NUP153: variants seen among roughly 807,000 people sequenced by gnomAD.
NUP153 encodes nuclear pore complex protein Nup153.
A neutral mutation model predicts 134.6 loss-of-function variants in NUP153; 27 were observed. The ratio of observed to expected loss-of-function variants is 0.20; its 90% CI spans 0.15 to 0.28. The LOEUF is 0.28. Ranked by LOEUF, NUP153 falls within the 10% of genes least tolerant of loss-of-function variation. The pLI is 1.00. For synonymous variants in NUP153, 640 were observed against 623.5 expected (o/e 1.03, Z -0.40); for missense variants, 1,821 against 1,731.3 (o/e 1.05, Z -0.92).
At chr6:17,645,332 T>C (rs930431048) in intron 14 of NUP153, among the ~76,000 whole-genome samples, 1 of 152,020 alleles carries the variant, frequency 6.6e-6, no homozygotes, top group African/African-American at 2.4e-5. Flanking sequence ...TCTTGCTCTG[T>C]CAGCCAGCTG....
In NUP153 at chr6:17,680,966, T is replaced by G. The variant is rs1011124695; in HGVS notation, c.335-5196A>C. On this transcript the variant is annotated intron_variant, in intron 2 of 21. Coordinates refer to ENST00000262077, the MANE Select transcript of NUP153 (RefSeq NM_005124.4). This position sits in a 1 kb window ranked among gnomAD's most constrained non-coding sequence, Gnocchi z 4.5. Reference sequence around the variant, plus strand: ...AAAGGAAACTAGTATATCAAAGAGATAATCTGCACTCGCAGCACTATTCAC... The same window carrying G: ...AAAGGAAACTAGTATATCAAAGAGAGAATCTGCACTCGCAGCACTATTCAC... 3.3e-5 allele frequency among the ~76,000 whole-genome samples: 5 copies of G among 152,146 alleles called. No homozygotes were observed. Among genetic ancestry groups the G allele is most frequent in the African/African-American group, 1.2e-4 (5 of 41,434 alleles).
At chr6:17,683,926 T>C (rs1224524919) in intron 2 of NUP153, among the ~76,000 whole-genome samples, 1 of 152,164 alleles carries the variant, frequency 6.6e-6, no homozygotes, top group Non-Finnish European at 1.5e-5. Context: ...AGTGGGGTCA[T>C]GGGAAGTCTT....
chr6:17,684,247 A>G (rs1370294660), intron 2 of NUP153, among the ~76,000 whole-genome samples: 1 of 152,198 alleles, frequency 6.6e-6, no homozygotes, highest in Non-Finnish European at 1.5e-5. Flanking sequence ...GGACTAATAA[A>G]CCACCTTCGT....
chr6:17,647,327 A>G (rs1451358187), intron 13 of NUP153, among the ~76,000 whole-genome samples: 1 of 152,220 alleles, frequency 6.6e-6, no homozygotes, highest in South Asian at 2.1e-4. Context: ...ATTAAAGGTA[A>G]ATCAAGACAC....
At chr6:17,668,592 C>T (rs755657637) in intron 8 of NUP153, among the ~76,000 whole-genome samples, 3 of 151,968 alleles carry the variant, frequency 2.0e-5, no homozygotes, top group African/African-American at 7.2e-5. Flanking sequence ...ACCTTAGTCC[C>T]GGCACTTTGG....
intron 16 of NUP153, among the ~76,000 whole-genome samples, chr6:17,633,119 A>T (rs1355059630): frequency 6.6e-6 from 1 of 151,100 alleles, no homozygotes; most frequent in Non-Finnish European, 1.5e-5. Context: ...GCTCCCCCTT[A>T]ACCACATGTT....
chr6:17,641,977 T>G (rs964368159), intron 14 of NUP153, among the ~76,000 whole-genome samples: 1 of 152,212 alleles, frequency 6.6e-6, no homozygotes, highest in Admixed American at 6.5e-5. Flanking sequence ...TAATGAAATA[T>G]ACTAATAACC....
At chr6:17,694,233 T>A (rs527450467) in intron 1 of NUP153, among the ~76,000 whole-genome samples, 16 of 152,326 alleles carry the variant, frequency 1.1e-4, no homozygotes, top group African/African-American at 3.4e-4. Context: ...CAAGTATTGA[T>A]TGAATGAAGA....
At position 17,624,649 on chromosome 6, in the gene NUP153, A is replaced by C. The variant is rs1404254831; in HGVS notation, c.4086T>G (p.Phe1362Leu). The part of the protein sequence containing the change: ...PTGSQPAPPT[F>L]GTVSSSSQPP... The stretch of plus-strand genomic sequence containing the variant: ...GCTGGCTACTGCTTGACACTGTCCC[A>C]AAAGTAGGTGGTGCAGGCTGAGAAC... Residue 1362 changes from phenylalanine to leucine, a missense_variant, in exon 20 of 22, where the codon TTT becomes TTG. Coordinates refer to ENST00000262077, the MANE Select transcript of NUP153 (RefSeq NM_005124.4). The C allele has an allele frequency of 1.2e-6, 2 of 1,614,188 alleles. No homozygotes were observed. Among genetic ancestry groups the C allele is most frequent in the South Asian group, 2.2e-5 (2 of 91,082 alleles).
chr6:17,676,832 T>C (rs965587282), intron 2 of NUP153, among the ~76,000 whole-genome samples: 2 of 152,166 alleles, frequency 1.3e-5, no homozygotes, highest in Admixed American at 6.5e-5. Context: ...TAGGGAACTG[T>C]GCAGAGAGGG....
At position 17,669,044 on chromosome 6, in the gene NUP153, AAC is replaced by A; in HGVS notation, c.1015-18_1015-17del. The A allele has an allele frequency of 3.4e-6, 5 of 1,491,684 alleles. No homozygotes were observed. The highest frequency in any genetic ancestry group is 3.6e-6 in the Non-Finnish European group (4 of 1,115,528). 92.4% of individuals were successfully genotyped at this position (1,491,684 alleles called of 1,614,324 possible). ...TATCAAGAGGCTGAAAAAAAAAAAA[AAC>A]ACTATTAGAATAGATGGGGAGTTAT... is the stretch of plus-strand genomic sequence containing the variant. On this transcript the variant is annotated splice_polypyrimidine_tract_variant and intron_variant, in intron 7 of 21. Transcript: ENST00000262077.
At chr6:17,655,520 C>T (rs1766763182) in intron 11 of NUP153, among the ~76,000 whole-genome samples, 1 of 151,210 alleles carries the variant, frequency 6.6e-6, no homozygotes, top group Admixed American at 6.6e-5. Flanking sequence ...GTGGTACGAT[C>T]TCAGCTCACT....
rs576811895 is a variant in NUP153, at chr6:17,671,113, T to C, written c.853-1567A>G. 2.0e-5 allele frequency among the ~76,000 whole-genome samples: 3 copies of C among 152,258 alleles called. No individual in the cohort carries two copies. The South Asian group carries it at 6.2e-4, about 32-fold the overall frequency. On this transcript the variant is annotated intron_variant, in intron 5 of 21. Coordinates refer to ENST00000262077, the MANE Select transcript of NUP153 (RefSeq NM_005124.4). ...GCCACCACACCTGGTCTAATCCCAT[T>C]AATTTTCATATGTTGAGTCAACCTT...
intron 11 of NUP153, among the ~76,000 whole-genome samples, chr6:17,660,404 A>T (rs552383840): frequency 3.3e-5 from 5 of 152,130 alleles, no homozygotes; most frequent in Non-Finnish European, 7.4e-5. Flanking sequence ...TACAACTAAA[A>T]TGAGACTTGC....
At chr6:17,647,933 T>A (rs1453910515) in intron 12 of NUP153, 28 bp from the exon 13 acceptor site, 1 of 1,398,094 alleles carries the variant, frequency 7.2e-7, no homozygotes, top group Admixed American at 1.8e-5. Context: ...TAAGAAATGA[T>A]ACAAAAAGAG....
rs1177861099 is a variant in NUP153, at chr6:17,675,119, C to T, written c.724-86G>A. ...TGAGTTAAGATCATGCTGCTACACA[C>T]TCAAGCCTGGGCAACAGCAAAAGAC... On this transcript the variant is annotated intron_variant, in intron 4 of 21. Transcript: ENST00000262077. This position sits in a 1 kb window ranked among gnomAD's most constrained non-coding sequence, Gnocchi z 4.4. 6.5e-7 allele frequency: 1 copy of T among 1,547,238 alleles called. No individual in the cohort carries two copies. The highest frequency in any genetic ancestry group is 1.4e-5 in the African/African-American group (1 of 72,162).
chr6:17,661,745 C>CT lies in NUP153; in HGVS notation c.1302dup (p.Ala435SerfsTer26). The CT allele has an allele frequency of 6.2e-7, 1 of 1,612,670 alleles. No homozygotes were observed. Among genetic ancestry groups the CT allele is most frequent in the Non-Finnish European group, 8.5e-7 (1 of 1,179,662 alleles). On this transcript the variant is annotated frameshift_variant, in exon 11 of 22. Transcript: ENST00000262077. LOFTEE classifies it high-confidence loss of function. Reference sequence around the variant, plus strand: ...CCTACTCCAGAAGATAAACCATTGGCTGCAGGCAAACTGAAATTTGGATAT... The same window carrying CT: ...CCTACTCCAGAAGATAAACCATTGGCTTGCAGGCAAACTGAAATTTGGATAT...
intron 1 of NUP153, among the ~76,000 whole-genome samples, chr6:17,690,477 C>T (rs929350925): frequency 1.3e-5 from 2 of 152,066 alleles, no homozygotes; most frequent in Non-Finnish European, 2.9e-5. Flanking sequence ...AACACTGCCT[C>T]CTATTATTTA....
At chr6:17,633,812 A>G (rs552516341) in intron 16 of NUP153, among the ~76,000 whole-genome samples, 1 of 152,278 alleles carries the variant, frequency 6.6e-6, no homozygotes, top group Non-Finnish European at 1.5e-5. Flanking sequence ...ACTGATCTCT[A>G]CATTTTATAG....
Sources: allele counts gnomAD v4.1 joint callset (sites outside exome capture counted in the v4.1 genomes callset), GRCh38; gene constraint gnomAD v4.1.1; non-coding constraint Gnocchi (gnomAD v3.1); transcripts MANE v1.5; gene names NCBI Gene and HGNC (gene_info 2026-07-23, HGNC 2026-07-21).